Variants in TMPRSS15 observed in about 807,000 individuals in gnomAD.
TMPRSS15 encodes enteropeptidase.
Under a neutral mutation model 125.3 loss-of-function variants are expected in TMPRSS15, and 128 were observed. The observed-to-expected ratio is 1.02, with a 90% CI of 0.89 to 1.18. The LOEUF is 1.18. Ranked by LOEUF, TMPRSS15 falls within the 50% of genes most tolerant of loss-of-function variation. The pLI is 0.00. For synonymous variants in TMPRSS15, 446 were observed against 423.2 expected, an observed-to-expected ratio of 1.05 and a Z score of -0.66; for missense variants, 1,283 against 1,212.7, an observed-to-expected ratio of 1.06 and a Z score of -0.86.
intron 15 of TMPRSS15, among the ~76,000 whole-genome samples, chr21:18,327,913 C>T (rs1207844208): frequency 1.3e-5 from 2 of 151,884 alleles, no homozygotes; most frequent in African/African-American, 2.4e-5. Flanking sequence ...ATTAGCCGGG[C>T]GAGGTGGTGG....
chr21:18,348,037 T>A (rs8134661), intron 10 of TMPRSS15, among the ~76,000 whole-genome samples: 28,483 of 152,032 alleles, frequency 0.19, 2,768 homozygotes, highest in South Asian at 0.22. Flanking sequence ...TTTAAAAAAA[T>A]TGCTGGGTGT....
chr21:18,382,299 T>C (rs1390812168), intron 4 of TMPRSS15, among the ~76,000 whole-genome samples: 4 of 152,166 alleles, frequency 2.6e-5, no homozygotes, highest in Non-Finnish European at 5.9e-5. Context: ...TAGCCAGTAG[T>C]AGTTTTCAGC....
chr21:18,304,845 TA>T (rs2075012933), intron 18 of TMPRSS15, among the ~76,000 whole-genome samples: 1 of 152,210 alleles, frequency 6.6e-6, no homozygotes, highest in African/African-American at 2.4e-5. Context: ...TGTTTTAGTT[TA>T]TATACTTAAA....
intron 1 of TMPRSS15, among the ~76,000 whole-genome samples, chr21:18,428,626 A>C (rs2076209311): frequency 1.3e-5 from 2 of 152,174 alleles, no homozygotes; most frequent in Admixed American, 1.3e-4. Flanking sequence ...AGAGAGTGGA[A>C]GCCCCAAGCC....
intron 1 of TMPRSS15, among the ~76,000 whole-genome samples, chr21:18,428,273 A>G (rs13048090): frequency 6.6e-6 from 1 of 152,210 alleles, no homozygotes. Flanking sequence ...AAAGGTATTC[A>G]GTTTCATAAG....
intron 18 of TMPRSS15, among the ~76,000 whole-genome samples, chr21:18,306,330 A>G (rs1008447756): frequency 5.9e-5 from 9 of 152,210 alleles, no homozygotes; most frequent in Non-Finnish European, 1.3e-4. Context: ...GCTAAGTTGT[A>G]TAAACAAATT....
chr21:18,358,898 A>T (rs1346812571), intron 8 of TMPRSS15, among the ~76,000 whole-genome samples: 2 of 152,104 alleles, frequency 1.3e-5, no homozygotes, highest in Admixed American at 6.6e-5. Context: ...TTCACTTTTC[A>T]TTACGTATAA....
intron 16 of TMPRSS15, among the ~76,000 whole-genome samples, chr21:18,318,218 G>C (rs1184547261): frequency 6.6e-6 from 1 of 152,116 alleles, no homozygotes; most frequent in Non-Finnish European, 1.5e-5. Context: ...TGGAGGAATG[G>C]AACCTGGGGA....
chr21:18,321,338 T>C (rs993691796), intron 16 of TMPRSS15, among the ~76,000 whole-genome samples: 9 of 145,582 alleles, frequency 6.2e-5, no homozygotes, highest in African/African-American at 1.8e-4. Context: ...GCAAAAACGA[T>C]TTTTTTCCTT....
chr21:18,284,998 C>T (rs62213418), intron 21 of TMPRSS15, among the ~76,000 whole-genome samples: 16 of 76,180 alleles, frequency 2.1e-4, no homozygotes, highest in African/African-American at 7.4e-4. Context: ...CAAAACTCTG[C>T]CCAAAAAAAA....
At chr21:18,346,341 G>T (rs928183211) in intron 10 of TMPRSS15, among the ~76,000 whole-genome samples, 4 of 151,914 alleles carry the variant, frequency 2.6e-5, no homozygotes, top group Non-Finnish European at 5.9e-5. Context: ...CTATTCCAAG[G>T]CATCCCATTC....
In TMPRSS15 at chr21:18,344,051, AT is replaced by A; in HGVS notation, c.1180del (p.Ile394PhefsTer17). 6.2e-7 allele frequency: 1 copy of A among 1,613,572 alleles called. No individual in the cohort carries two copies. Among genetic ancestry groups the A allele is most frequent in the Non-Finnish European group, 8.5e-7 (1 of 1,179,822 alleles). On this transcript the variant is annotated frameshift_variant, in exon 11 of 25. Coordinates refer to ENST00000284885, the MANE Select transcript of TMPRSS15 (RefSeq NM_002772.3). LOFTEE classifies it high-confidence loss of function. ...HTFGNASGFYISTPTGPGGRQ... is the reference protein window; with the variant it reads ...HTFGNASGFYXSTPTGPGGRQ... ...CCCTCCTGGTCCAGTTGGGGTAGAA[AT>A]GTAAAATCCTGTAAAAATATCAAAA...
chr21:18,472,017 T>C (rs1289493406), intron 1 of TMPRSS15, among the ~76,000 whole-genome samples: 3 of 152,048 alleles, frequency 2.0e-5, no homozygotes, highest in African/African-American at 7.2e-5. Flanking sequence ...AGGAAAATCA[T>C]AGGGAGAGAC....
intron 13 of TMPRSS15, among the ~76,000 whole-genome samples, chr21:18,337,735 C>T (rs146560128): frequency 3.3e-5 from 5 of 152,090 alleles, no homozygotes; most frequent in Non-Finnish European, 5.9e-5. Context: ...GTGCTCTATA[C>T]GAACCCAAAG....
intron 7 of TMPRSS15, among the ~76,000 whole-genome samples, chr21:18,360,640 A>G (rs949214018): frequency 6.6e-6 from 1 of 151,968 alleles, no homozygotes; most frequent in African/African-American, 2.4e-5. Context: ...TATTCTGTCT[A>G]TGTGTTTGTC....
Position 18,353,880 on chromosome 21 carries a change from A to G in TMPRSS15, c.881-17T>C, listed in dbSNP as rs919442479. 6.2e-7 allele frequency: 1 copy of G among 1,604,722 alleles called. No homozygotes were observed. Among genetic ancestry groups the G allele is most frequent in the Non-Finnish European group, 8.5e-7 (1 of 1,172,392 alleles). ...AAATAGAAGCTACAAAATAAAATAA[A>G]CAACTGTTATATGTATATATCTATC... is the stretch of plus-strand genomic sequence containing the variant. On this transcript the variant is annotated splice_polypyrimidine_tract_variant and intron_variant, in intron 8 of 24. Transcript: ENST00000284885.
At chr21:18,298,028 C>T (rs2074926594) in intron 18 of TMPRSS15, among the ~76,000 whole-genome samples, 199 bp from the exon 19 acceptor site, 1 of 152,110 alleles carries the variant, frequency 6.6e-6, no homozygotes, top group Admixed American at 6.5e-5. Context: ...ACCCATAATC[C>T]CATGAAATGT....
intron 6 of TMPRSS15, among the ~76,000 whole-genome samples, chr21:18,367,056 A>G (rs2075744931): frequency 6.6e-6 from 1 of 152,082 alleles, no homozygotes; most frequent in Non-Finnish European, 1.5e-5. Context: ...GTGCATAAAA[A>G]TTTACTTTGG....
intron 1 of TMPRSS15, among the ~76,000 whole-genome samples, chr21:18,442,633 T>G (rs2076244928): frequency 6.6e-6 from 1 of 152,214 alleles, no homozygotes; most frequent in Non-Finnish European, 1.5e-5. Flanking sequence ...CTTATCCCGG[T>G]AAGTTTGGGA....
Sources: allele counts gnomAD v4.1 joint callset (sites outside exome capture counted in the v4.1 genomes callset), GRCh38; gene constraint gnomAD v4.1.1; transcripts MANE v1.5; gene names NCBI Gene and HGNC (gene_info 2026-07-23, HGNC 2026-07-21).